PARN: variants seen among roughly 807,000 people sequenced by gnomAD.
The protein encoded by PARN is poly(A)-specific ribonuclease PARN.
PARN carries 71 observed loss-of-function variants against 102.8 expected under a neutral mutation model. The observed-to-expected ratio is 0.69, with a 90% CI of 0.57 to 0.84. PARN has a LOEUF of 0.84. PARN is among the 40% of genes least tolerant of loss of function. The pLI, the probability that PARN is intolerant of heterozygous loss-of-function variation, is 0.00. For synonymous variants in PARN, 261 were observed against 252.9 expected (o/e 1.03, Z -0.30); for missense variants, 782 against 760.9 (o/e 1.03, Z -0.33).
intron 22 of PARN, among the ~76,000 whole-genome samples, chr16:14,466,223 T>C (rs1962340517): frequency 6.6e-6 from 1 of 152,244 alleles, no homozygotes; most frequent in East Asian, 1.9e-4. Flanking sequence ...GAATTGAAAG[T>C]GGTTGTCTCT....
At chr16:14,550,038 A>G (rs1967196061) in intron 21 of PARN, among the ~76,000 whole-genome samples, 1 of 152,176 alleles carries the variant, frequency 6.6e-6, no homozygotes, top group African/African-American at 2.4e-5. Context: ...TGGCTAGCAA[A>G]GGAGCTGAAG....
At chr16:14,628,014 A>G (rs1302143637) in intron 3 of PARN, among the ~76,000 whole-genome samples, 158 bp downstream of exon 3, 1 of 152,172 alleles carries the variant, frequency 6.6e-6, no homozygotes. Context: ...TCTCTAAAAC[A>G]AGACAAAACA....
chr16:14,496,201 C>T lies in PARN; in HGVS notation c.1481-13374G>A, dbSNP rs554556499. 2.0e-5 allele frequency among the ~76,000 whole-genome samples: 3 copies of T among 152,316 alleles called. No homozygotes were observed. In the South Asian group the frequency reaches 6.2e-4, roughly 32 times the overall value. On this transcript the variant is annotated intron_variant, in intron 21 of 23. Transcript: ENST00000437198. ...AGGGCTGGGGTGTGAAGCCCGAGCT[C>T]CCTGACCCTGACGCATGCTTCTGAT...
intron 21 of PARN, among the ~76,000 whole-genome samples, chr16:14,547,758 T>A (rs1967045027): frequency 6.6e-6 from 1 of 151,092 alleles, no homozygotes; most frequent in Non-Finnish European, 1.5e-5. Flanking sequence ...AAATTAGTAA[T>A]ACTCAAAGAA....
chr16:14,568,225 T>G (rs1251926618), intron 18 of PARN, among the ~76,000 whole-genome samples: 1 of 150,972 alleles, frequency 6.6e-6, no homozygotes, highest in Non-Finnish European at 1.5e-5. Context: ...TTTTTTTTTT[T>G]TTTTTGAGAC....
chr16:14,563,581 C>T (rs983431576), intron 18 of PARN, among the ~76,000 whole-genome samples: 2 of 150,456 alleles, frequency 1.3e-5, no homozygotes, highest in Non-Finnish European at 1.5e-5. Flanking sequence ...AAATATGTAT[C>T]TTTTAAATTG....
intron 18 of PARN, among the ~76,000 whole-genome samples, chr16:14,570,419 G>A (rs1344164143): frequency 2.7e-5 from 4 of 150,084 alleles, no homozygotes; most frequent in African/African-American, 7.4e-5. Context: ...TTGGGAGACC[G>A]AGGCGGCGGA....
At chr16:14,492,642 A>G (rs1448379305) in intron 21 of PARN, among the ~76,000 whole-genome samples, 1 of 152,190 alleles carries the variant, frequency 6.6e-6, no homozygotes, top group Non-Finnish European at 1.5e-5. Flanking sequence ...AGGCATGCAC[A>G]CTGGCCACTG....
chr16:14,608,161 AT>A (rs1256819802), intron 9 of PARN, 119 bp downstream of exon 9: 6 of 717,938 alleles, frequency 8.4e-6, no homozygotes, highest in Non-Finnish European at 1.4e-5. Flanking sequence ...GGGGAACTTC[AT>A]GTAGTCAAAT....
At chr16:14,626,656 A>G (rs766018692) in intron 5 of PARN, among the ~76,000 whole-genome samples, 20 of 151,494 alleles carry the variant, frequency 1.3e-4, no homozygotes, top group Admixed American at 1.1e-3. Context: ...CTGTTGCCCA[A>G]GCTGGAGTGC....
intron 3 of PARN, among the ~76,000 whole-genome samples, chr16:14,627,628 A>T (rs1972759307): frequency 6.6e-6 from 1 of 152,218 alleles, no homozygotes; most frequent in African/African-American, 2.4e-5. Flanking sequence ...AACACTGAAA[A>T]TGCTAAACTT....
At chr16:14,480,940 AAAATAAATAAAT>A (rs34273832) in intron 22 of PARN, among the ~76,000 whole-genome samples, 24 of 149,088 alleles carry the variant, frequency 1.6e-4, no homozygotes, top group East Asian at 2.0e-4. Flanking sequence ...CCTGCCTCAA[AAAATAAATAAAT>A]AAATAAATAA....
intron 22 of PARN, among the ~76,000 whole-genome samples, chr16:14,461,679 C>T (rs1158386688): frequency 1.3e-5 from 2 of 152,210 alleles, no homozygotes; most frequent in African/African-American, 2.4e-5. Flanking sequence ...TCAACATTCC[C>T]GTGGTCAGCT....
chr16:14,455,302 T>C (rs570054460), intron 22 of PARN, among the ~76,000 whole-genome samples: 1 of 152,224 alleles, frequency 6.6e-6, no homozygotes, highest in Non-Finnish European at 1.5e-5. Flanking sequence ...TTTCCTAGTG[T>C]TGAAAATATT....
chr16:14,522,891 A>T (rs1371894023), intron 21 of PARN, among the ~76,000 whole-genome samples: 1 of 152,156 alleles, frequency 6.6e-6, no homozygotes, highest in Non-Finnish European at 1.5e-5. Flanking sequence ...GGAACAAAGA[A>T]AACACCTGGT....
intron 22 of PARN, among the ~76,000 whole-genome samples, chr16:14,468,469 A>G (rs1962503610): frequency 6.6e-6 from 1 of 150,476 alleles, no homozygotes; most frequent in African/African-American, 2.5e-5. Flanking sequence ...GGGAAAGAGA[A>G]GGAAGAGCAG....
chr16:14,610,358 A>G (rs2151797077), intron 7 of PARN, among the ~76,000 whole-genome samples: 1 of 151,956 alleles, frequency 6.6e-6, no homozygotes, highest in Non-Finnish European at 1.5e-5. Flanking sequence ...CTATAATCCC[A>G]GCTACTCTGG....
chr16:14,590,506 G>C (rs570108596), intron 13 of PARN, among the ~76,000 whole-genome samples: 1 of 151,406 alleles, frequency 6.6e-6, no homozygotes, highest in African/African-American at 2.4e-5. Context: ...ATGGTAGCAG[G>C]CATCTGTAAT....
chr16:14,577,094 T>C (rs1369591134), intron 18 of PARN, among the ~76,000 whole-genome samples: 2 of 152,244 alleles, frequency 1.3e-5, no homozygotes, highest in African/African-American at 4.8e-5. Context: ...AAATAAAATA[T>C]TGTTTGCATA....
Sources: gnomAD v4.1 joint callset for allele counts (sites outside exome capture counted in the v4.1 genomes callset) on GRCh38, gnomAD v4.1.1 for gene constraint, MANE v1.5 for transcripts, NCBI Gene and HGNC (gene_info 2026-07-23, HGNC 2026-07-21) for gene names.